The following ABCG1 variants were observed in gnomAD, a reference collection of about 807,000 sequenced individuals.
The protein encoded by ABCG1 is ATP binding cassette subfamily G member 1, also known as ATP-binding cassette sub-family G member 1.
A neutral mutation model predicts 69.2 loss-of-function variants in ABCG1; 29 were observed. The ratio of observed to expected loss-of-function variants is 0.42; its 90% confidence interval spans 0.31 to 0.57. The LOEUF (loss-of-function observed/expected upper bound fraction) is 0.57. Ranked by LOEUF, ABCG1 falls within the 20% of genes least tolerant of loss-of-function variation. The pLI is 0.15. For missense variants in ABCG1, 718 were observed against 898.1 expected (o/e 0.80, Z 2.56); for synonymous variants, 370 against 374.8 (o/e 0.99, Z 0.15).
Position 42,258,736 on chromosome 21 carries a change from G to T in ABCG1, c.287-12334G>T, listed in dbSNP as rs186625090. Reference sequence around the variant, plus strand: ...CCTCTGCCTCTCAGGGGAGTAGGGCGCCTGCTGGCAGCTGCTGTAAGACTC... The same window carrying T: ...CCTCTGCCTCTCAGGGGAGTAGGGCTCCTGCTGGCAGCTGCTGTAAGACTC... On this transcript the variant is annotated intron_variant, in intron 2 of 14. Transcript: ENST00000398449. Among the ~76,000 whole-genome samples, 520 of 152,238 alleles carry T rather than the reference G, an allele frequency of 3.4e-3. 7 individuals carry two copies. Among genetic ancestry groups the T allele is most frequent in the African/African-American group, 0.012 (481 of 41,534 alleles).
Position 42,287,151 on chromosome 21 carries a change from G to C in ABCG1, c.974-738G>C, listed in dbSNP as rs946661953. ...AGGCATCGCACAGGGAGGACACAGA[G>C]GCAGGAGAGGGCAGAGGGGTTGGGA... On this transcript the variant is annotated intron_variant, in intron 8 of 14. Coordinates refer to ENST00000398449, the MANE Select transcript of ABCG1 (RefSeq NM_016818.3). This position sits in a 1 kb window ranked among gnomAD's most constrained non-coding sequence, Gnocchi z 6.2. 6.6e-6 allele frequency among the ~76,000 whole-genome samples: 1 copy of C among 152,200 alleles called. No homozygotes were observed. Among genetic ancestry groups the C allele is most frequent in the Non-Finnish European group, 1.5e-5 (1 of 68,020 alleles).
At chr21:42,282,494 C>G in intron 6 of ABCG1, 75 bp downstream of exon 6, 1 of 1,501,446 alleles carries the variant, frequency 6.7e-7, no homozygotes, top group Non-Finnish European at 9.0e-7. Context: ...TCCAGGTGAC[C>G]CTGACATCCT....
At chr21:42,227,426 A>T (rs1051533598) in intron 2 of ABCG1, among the ~76,000 whole-genome samples, 1 of 152,244 alleles carries the variant, frequency 6.6e-6, no homozygotes, top group African/African-American at 2.4e-5. Context: ...AAATTATGGC[A>T]AAGCAGTGAG....
chr21:42,229,966 C>T (rs920150315), intron 2 of ABCG1, among the ~76,000 whole-genome samples: 4 of 152,136 alleles, frequency 2.6e-5, no homozygotes, highest in African/African-American at 9.7e-5. Flanking sequence ...GCGATACAAA[C>T]GCAACATACA....
At chr21:42,289,482 G>T (rs907398236) in intron 10 of ABCG1, among the ~76,000 whole-genome samples, 1 of 152,184 alleles carries the variant, frequency 6.6e-6, no homozygotes, top group African/African-American at 2.4e-5. Flanking sequence ...AAAGCACTGT[G>T]AATCATGAGG....
chr21:42,265,354 CAG>C (rs1226134446), intron 2 of ABCG1, among the ~76,000 whole-genome samples: 1 of 152,220 alleles, frequency 6.6e-6, no homozygotes, highest in Non-Finnish European at 1.5e-5. Context: ...TTACTTGAAA[CAG>C]AGTCACTGCA....
chr21:42,295,896 C>T (rs775792896), intron 14 of ABCG1, among the ~76,000 whole-genome samples: 2 of 152,162 alleles, frequency 1.3e-5, no homozygotes, highest in Non-Finnish European at 2.9e-5. Flanking sequence ...GTGCATTTCA[C>T]CAGTGAATAT....
intron 14 of ABCG1, 30 bp downstream of exon 14, chr21:42,294,690 G>C (rs970521742): frequency 6.3e-7 from 1 of 1,594,594 alleles, no homozygotes; most frequent in Non-Finnish European, 8.6e-7. Flanking sequence ...CATGGCGTGG[G>C]GACCGAGGGT....
At position 42,290,185 on chromosome 21, in the gene ABCG1, A is replaced by G; in HGVS notation, c.1360A>G (p.Met454Val). 6.2e-7 allele frequency: 1 copy of G among 1,614,100 alleles called. No individual in the cohort carries two copies. The highest frequency in any genetic ancestry group is 8.5e-7 in the Non-Finnish European group (1 of 1,180,018). Residue 454 changes from methionine to valine, a missense_variant, in exon 11 of 15, where the codon ATG (methionine) becomes GTG (valine). Met to Val is a conservative substitution (Grantham distance 21, BLOSUM62 1). Transcript: ENST00000398449. ...GFLFFSMLFL[M>V]FAALMPTVLT... ...CCTCTTCTTCTCCATGCTGTTCCTC[A>G]TGTTCGCGGCCCTCATGCCTACTGT...
At chr21:42,225,939 A>T in intron 2 of ABCG1, 25 bp downstream of exon 2, 2 of 1,605,834 alleles carry the variant, frequency 1.2e-6, no homozygotes, top group South Asian at 1.1e-5. Flanking sequence ...TGCTTTGTGT[A>T]TCAAGCTGGG....
chr21:42,293,319 ACACACTACACAC>A (rs1227802679), intron 13 of ABCG1, among the ~76,000 whole-genome samples: 1 of 144,308 alleles, frequency 6.9e-6, no homozygotes, highest in Non-Finnish European at 1.5e-5. Context: ...ACCACACAGT[ACACACTACACAC>A]CACACTACAC....
chr21:42,263,214 G>C (rs2068443476), intron 2 of ABCG1, among the ~76,000 whole-genome samples: 1 of 152,208 alleles, frequency 6.6e-6, no homozygotes, highest in African/African-American at 2.4e-5. Context: ...CAGCTAACAG[G>C]GCTCATGGGA....
Position 42,287,831 on chromosome 21 carries a change from G to C in ABCG1, c.974-58G>C. ...CACTTGAATAACGACTTTCGCATTT[G>C]GGTGGTTGGGGTGTCCTTCCTGGAG... On this transcript the variant is annotated intron_variant, in intron 8 of 14. Coordinates refer to ENST00000398449, the MANE Select transcript of ABCG1 (RefSeq NM_016818.3). The surrounding 1 kb of genome is among the most constrained non-coding windows in gnomAD (Gnocchi z 6.2). 1 of 1,488,156 alleles carries C rather than the reference G, an allele frequency of 6.7e-7. No individual in the cohort carries two copies. Among genetic ancestry groups the C allele is most frequent in the South Asian group, 1.4e-5 (1 of 72,466 alleles). The allele number at this position is 1,488,156 out of a possible 1,614,324, so 92.2% of individuals were successfully genotyped here. A position where few individuals can be genotyped will look rare whatever the true frequency, so the allele number is the denominator to read the frequency against.
chr21:42,216,003 G>A (rs552754452), upstream of ABCG1: 3 of 285,144 alleles, frequency 1.1e-5, no homozygotes, highest in East Asian at 2.5e-4. Flanking sequence ...CCTGGTCAGA[G>A]ATCACTGAAT....
At chr21:42,230,523 C>G (rs1175381505) in intron 2 of ABCG1, among the ~76,000 whole-genome samples, 1 of 152,180 alleles carries the variant, frequency 6.6e-6, no homozygotes, top group Non-Finnish European at 1.5e-5. Flanking sequence ...TGAAAGCAGC[C>G]TTTTCTTCCT....
rs374302426 is a variant in ABCG1 at position 42,288,198 on chromosome 21, C to T, written c.1123-13C>T. On this transcript the variant is annotated splice_polypyrimidine_tract_variant and intron_variant, in intron 9 of 14. Transcript: ENST00000398449. The surrounding 1 kb of genome is among the most constrained non-coding windows in gnomAD (Gnocchi z 4.8). ...CTGGCTTTCACCCGCTCCCCTCTTG[C>T]GTGTGTCCTCAGGACTCCTCGTCCA... 20 of 1,613,570 alleles carry T rather than the reference C, an allele frequency of 1.2e-5. No individual in the cohort carries two copies. The East Asian group carries it at 1.6e-4, about 13-fold the overall frequency.
intron 2 of ABCG1, among the ~76,000 whole-genome samples, chr21:42,231,010 G>T (rs938900505): frequency 1.3e-5 from 2 of 152,242 alleles, no homozygotes; most frequent in African/African-American, 4.8e-5. Context: ...GCACAGCTGT[G>T]CCTAGCCCCG....
At chr21:42,240,170 G>A (rs953535070) in intron 2 of ABCG1, among the ~76,000 whole-genome samples, 13 of 152,204 alleles carry the variant, frequency 8.5e-5, no homozygotes, top group African/African-American at 3.1e-4. Context: ...GCCAGACCAC[G>A]GTGCCTGCCA....
At chr21:42,277,191 T>C (rs1011172273) in intron 5 of ABCG1, among the ~76,000 whole-genome samples, 12 of 152,144 alleles carry the variant, frequency 7.9e-5, no homozygotes, top group Admixed American at 7.2e-4. Flanking sequence ...CGGAATGTAA[T>C]GTGAGGGACA....
Sources: allele counts gnomAD v4.1 joint callset (sites outside exome capture counted in the v4.1 genomes callset), GRCh38; gene constraint gnomAD v4.1.1; non-coding constraint Gnocchi (gnomAD v3.1); transcripts MANE v1.5; gene names NCBI Gene and HGNC (gene_info 2026-07-23, HGNC 2026-07-21).